Variants in LSAMP observed in about 807,000 individuals in gnomAD.
The protein encoded by LSAMP is limbic system associated membrane protein, also known as limbic system-associated membrane protein.
A neutral mutation model predicts 38.6 loss-of-function variants in LSAMP; 7 were observed. The ratio of observed to expected loss-of-function variants is 0.18; its 90% CI spans 0.10 to 0.34. The LOEUF is 0.34. Among genes scored for constraint, LSAMP ranks in the 10% least tolerant of loss-of-function variants. The pLI is 1.00. For synonymous variants in LSAMP, 154 were observed against 166.8 expected (o/e 0.92, Z 0.59); for missense variants, 313 against 420.0 (o/e 0.75, Z 2.23).
At position 116,374,989 on chromosome 3, in the gene LSAMP, T is replaced by C. The variant is rs1334083986; in HGVS notation, c.155+69888A>G. 3.3e-5 allele frequency among the ~76,000 whole-genome samples: 5 copies of C among 152,092 alleles called. No individual in the cohort carries two copies. The East Asian group carries it at 5.8e-4, about 18-fold the overall frequency. ...TGCATAGCTCCTTTAATCTTTCTCC[T>C]GCCTTGGGCCCAGGCACAAAAAAGA... On this transcript the variant is annotated intron_variant, in intron 1 of 6. Transcript: ENST00000490035.
intron 1 of LSAMP, among the ~76,000 whole-genome samples, chr3:116,162,692 C>A (rs115583302): frequency 0.064 from 7,858 of 123,130 alleles, 385 homozygotes; most frequent in African/African-American, 0.16. Flanking sequence ...CTCTCTCTCT[C>A]TCTATATATA....
intron 1 of LSAMP, among the ~76,000 whole-genome samples, chr3:116,140,909 G>A (rs1709354520): frequency 1.3e-5 from 2 of 151,878 alleles, no homozygotes; most frequent in Admixed American, 6.6e-5. Context: ...AAAGAAGAGG[G>A]AGAAGGATAA....
intron 3 of LSAMP, 67 bp from the exon 4 acceptor site, chr3:115,852,684 T>G (rs1338230005): frequency 7.1e-7 from 1 of 1,414,886 alleles, no homozygotes; most frequent in African/African-American, 1.5e-5. Flanking sequence ...CTCTCATTAT[T>G]CTTTTTAAAA....
In LSAMP at chr3:116,055,883, A is replaced by G. The variant is rs914100396; in HGVS notation, c.388+30441T>C. 6.6e-5 allele frequency among the ~76,000 whole-genome samples: 10 copies of G among 152,102 alleles called. 1 individual carries two copies. Among genetic ancestry groups the G allele is most frequent in the Admixed American group, 4.6e-4 (7 of 15,262 alleles). ...GTTCTAAAATTCTGCCTGTTCCTAC[A>G]TCATCACTATTTTCAAAGAGTTTGC... On this transcript the variant is annotated intron_variant, in intron 2 of 6. Coordinates refer to ENST00000490035, the MANE Select transcript of LSAMP (RefSeq NM_002338.5).
intron 1 of LSAMP, among the ~76,000 whole-genome samples, chr3:116,198,535 C>G (rs139981675): frequency 1.2e-3 from 182 of 149,476 alleles, no homozygotes; most frequent in African/African-American, 4.3e-3. Context: ...TGTGGGAGGC[C>G]GAGGCTGGCG....
At chr3:116,020,606 C>T (rs140485646) in intron 2 of LSAMP, among the ~76,000 whole-genome samples, 15 of 152,208 alleles carry the variant, frequency 9.9e-5, no homozygotes, top group African/African-American at 1.7e-4. Context: ...TTTTTGGTGA[C>T]GTGAGAAATG....
intron 6 of LSAMP, among the ~76,000 whole-genome samples, chr3:115,829,913 G>A (rs1326535564): frequency 2.0e-5 from 3 of 152,182 alleles, no homozygotes; most frequent in Non-Finnish European, 4.4e-5. Context: ...CAGTATACCT[G>A]CAAATATCAG....
At chr3:116,031,098 A>G (rs2107703588) in intron 2 of LSAMP, among the ~76,000 whole-genome samples, 1 of 152,314 alleles carries the variant, frequency 6.6e-6, no homozygotes, top group African/African-American at 2.4e-5. Flanking sequence ...AGATAATATG[A>G]TAAAAGATAA....
At chr3:116,171,974 T>C (rs1431975632) in intron 1 of LSAMP, among the ~76,000 whole-genome samples, 1 of 152,102 alleles carries the variant, frequency 6.6e-6, no homozygotes, top group Non-Finnish European at 1.5e-5. Context: ...AAAAACTTTT[T>C]ATTTACATAC....
intron 1 of LSAMP, chr3:116,368,039 A>C (rs1415451243): frequency 6.6e-6 from 1 of 152,204 alleles, no homozygotes; most frequent in Non-Finnish European, 1.5e-5. Flanking sequence ...CAGGCAGGTA[A>C]GTGGAAGCAA....
Position 116,345,407 on chromosome 3 carries a change from A to C in LSAMP, c.155+99470T>G, listed in dbSNP as rs554318185. Among the ~76,000 whole-genome samples the C allele has an allele frequency of 6.5e-4, 99 of 152,232 alleles. No individual in the cohort carries two copies. The South Asian group carries it at 0.02, about 31-fold the overall frequency. Reference sequence around the variant, plus strand: ...AGCAGGGGTCATCTGGAGAAATGAGAGGAACTAGATATCGGCCCTGTAGTT... The same window carrying C: ...AGCAGGGGTCATCTGGAGAAATGAGCGGAACTAGATATCGGCCCTGTAGTT... On this transcript the variant is annotated intron_variant, in intron 1 of 6. Transcript: ENST00000490035.
intron 1 of LSAMP, among the ~76,000 whole-genome samples, chr3:116,334,290 CT>C (rs2047891163): frequency 6.6e-6 from 1 of 152,054 alleles, no homozygotes; most frequent in African/African-American, 2.4e-5. Flanking sequence ...AAACTTATGT[CT>C]TTATTCATGA....
At chr3:116,428,666 G>C (rs1189167254) in intron 1 of LSAMP, among the ~76,000 whole-genome samples, 3 of 152,106 alleles carry the variant, frequency 2.0e-5, no homozygotes, top group African/African-American at 7.2e-5. Context: ...AGCTCCCCAG[G>C]AACCTATGGC....
chr3:116,067,606 T>A (rs1707491535), intron 2 of LSAMP, among the ~76,000 whole-genome samples: 1 of 152,222 alleles, frequency 6.6e-6, no homozygotes, highest in South Asian at 2.1e-4. Context: ...TGCTGCCCCA[T>A]CAATCATGGG....
At chr3:115,945,070 G>C (rs1938050835) in intron 3 of LSAMP, among the ~76,000 whole-genome samples, 1 of 151,284 alleles carries the variant, frequency 6.6e-6, no homozygotes, top group Non-Finnish European at 1.5e-5. Context: ...TTCCATCTTT[G>C]AGTAATCTCA....
chr3:116,238,173 C>T (rs1401300570), intron 1 of LSAMP, among the ~76,000 whole-genome samples: 2 of 152,270 alleles, frequency 1.3e-5, no homozygotes, highest in African/African-American at 4.8e-5. Flanking sequence ...AATCAATCCT[C>T]ATAGGATCCC....
At position 116,144,849 on chromosome 3, in the gene LSAMP, T is replaced by C. The variant is rs1381929702; in HGVS notation, c.156-58293A>G. ...TATGACTATAGTTTAAAATTTTTTC[T>C]ATATCTATTCACATACAAACACATA... On this transcript the variant is annotated intron_variant, in intron 1 of 6. Transcript: ENST00000490035. Among the ~76,000 whole-genome samples the C allele has an allele frequency of 2.6e-5, 4 of 152,062 alleles. No homozygotes were observed. The South Asian group carries it at 6.2e-4, about 24-fold the overall frequency.
Position 116,090,106 on chromosome 3 carries a change from T to A in LSAMP, c.156-3550A>T, listed in dbSNP as rs1425044932. 4.6e-5 allele frequency among the ~76,000 whole-genome samples: 7 copies of A among 151,682 alleles called. No homozygotes were observed. The South Asian group carries it at 1.2e-3, about 27-fold the overall frequency. On this transcript the variant is annotated intron_variant, in intron 1 of 6. Transcript: ENST00000490035. ...GCGCATGCCTGTAATCCCAGCTCTTTGGGAGGCTGGAGGCAGGAAAATCAC... is the reference window on the plus strand; with the variant it reads ...GCGCATGCCTGTAATCCCAGCTCTTAGGGAGGCTGGAGGCAGGAAAATCAC...
chr3:116,290,760 A>G (rs931528333), intron 1 of LSAMP, among the ~76,000 whole-genome samples: 1 of 148,422 alleles, frequency 6.7e-6, no homozygotes, highest in Admixed American at 6.8e-5. Context: ...AATAATAATA[A>G]TAATAATAAT....
Sources: allele counts gnomAD v4.1 joint callset (sites outside exome capture counted in the v4.1 genomes callset), GRCh38; gene constraint gnomAD v4.1.1; transcripts MANE v1.5; gene names NCBI Gene and HGNC (gene_info 2026-07-23, HGNC 2026-07-21).